The following PRTG variants were observed in gnomAD, a reference collection of about 807,000 sequenced individuals.
PRTG encodes the protein immunoglobulin superfamily, DCC subclass, member 5.
A neutral mutation model predicts 122.5 loss-of-function variants in PRTG; 67 were observed. That is an observed-to-expected ratio of 0.55 (90% confidence interval 0.45 to 0.67). The LOEUF is 0.67. Ranked by LOEUF, PRTG falls within the 30% of genes least tolerant of loss-of-function variation. PRTG has a pLI of 0.00. For synonymous variants in PRTG, 554 were observed against 501.1 expected, an observed-to-expected ratio of 1.11 and a Z score of -1.41; for missense variants, 1,435 against 1,415.4, an observed-to-expected ratio of 1.01 and a Z score of -0.22.
In PRTG at chr15:55,620,102, A is replaced by G. The variant is rs200495614; in HGVS notation, c.3363T>C (p.His1121=). ...AAAACCGCCCAGAATCCCCAGTCTC[A>G]TGGCTGCCTTCACTATTTGCTGAAT... ...TEHSANSEGS[H]ETGDSGRFSH... is the part of the protein sequence containing the mutation. The change falls in exon 20 of 20, where the codon CAT becomes CAC. Residue 1121 remains histidine, a synonymous_variant. Coordinates refer to ENST00000389286, the MANE Select transcript of PRTG (RefSeq NM_173814.6). 3.1e-6 allele frequency: 5 copies of G among 1,614,204 alleles called. No homozygotes were observed. In the Admixed American group the frequency reaches 6.7e-5, roughly 22 times the overall value.
intron 11 of PRTG, among the ~76,000 whole-genome samples, chr15:55,659,402 C>T (rs2059397315): frequency 6.6e-6 from 1 of 152,102 alleles, no homozygotes; most frequent in Non-Finnish European, 1.5e-5. Flanking sequence ...CATCAGGATC[C>T]TTTGCCTAGT....
At chr15:55,738,010 A>C (rs1398538396) in intron 2 of PRTG, among the ~76,000 whole-genome samples, 8,920 of 91,466 alleles carry the variant, frequency 0.098, 475 homozygotes, top group Admixed American at 0.14. Flanking sequence ...CTCTATATAT[A>C]TATATATATA....
chr15:55,735,718 T>TA (rs35182605), intron 2 of PRTG, among the ~76,000 whole-genome samples: 62,115 of 114,094 alleles, frequency 0.54, 18,616 homozygotes, highest in Non-Finnish European at 0.68. Flanking sequence ...CATGCTTTGC[T>TA]AAAAAAAAAA....
At chr15:55,656,716 G>C (rs2059382226) in intron 11 of PRTG, among the ~76,000 whole-genome samples, 1 of 152,170 alleles carries the variant, frequency 6.6e-6, no homozygotes, top group African/African-American at 2.4e-5. Flanking sequence ...CACCCTGTTA[G>C]CCAGGATGGT....
intron 11 of PRTG, among the ~76,000 whole-genome samples, chr15:55,653,679 G>A (rs2059365569): frequency 6.6e-6 from 1 of 152,126 alleles, no homozygotes; most frequent in Non-Finnish European, 1.5e-5. Context: ...AGCCAGGCTG[G>A]TCTCGAACTC....
intron 11 of PRTG, among the ~76,000 whole-genome samples, chr15:55,664,434 C>T (rs902332742): frequency 5.9e-5 from 9 of 152,116 alleles, no homozygotes; most frequent in South Asian, 2.1e-4. Context: ...TGAGCCACTG[C>T]GCCTGGCCAA....
At chr15:55,648,792 T>C (rs979784035) in intron 11 of PRTG, among the ~76,000 whole-genome samples, 1 of 152,106 alleles carries the variant, frequency 6.6e-6, no homozygotes, top group Non-Finnish European at 1.5e-5. Context: ...AAATATTTCA[T>C]ATAAACTTCA....
chr15:55,674,135 T>C (rs568807056), intron 9 of PRTG, among the ~76,000 whole-genome samples: 16 of 152,202 alleles, frequency 1.1e-4, no homozygotes, highest in Non-Finnish European at 1.6e-4. Flanking sequence ...AATTACAACA[T>C]ATGTTGTTTA....
Position 55,690,818 on chromosome 15 carries a change from T to C in PRTG, c.398-6887A>G, listed in dbSNP as rs530840846. On this transcript the variant is annotated intron_variant, in intron 2 of 19. Transcript: ENST00000389286. ...CCAGTGCTGCATTGAGCACATTACA[T>C]ATTCCAGCTTATTTAGTTCTCAAAA... Among the ~76,000 whole-genome samples, 34 of 152,288 alleles carry C rather than the reference T, an allele frequency of 2.2e-4. No homozygotes were observed. The South Asian group carries it at 6.8e-3, about 31-fold the overall frequency.
At chr15:55,724,229 T>C (rs1221379367) in intron 2 of PRTG, among the ~76,000 whole-genome samples, 1 of 152,232 alleles carries the variant, frequency 6.6e-6, no homozygotes, top group Non-Finnish European at 1.5e-5. Flanking sequence ...TATTTCACTA[T>C]TGATCTTTTG....
intron 2 of PRTG, among the ~76,000 whole-genome samples, chr15:55,730,002 C>T (rs1273428374): frequency 6.6e-6 from 1 of 152,210 alleles, no homozygotes; most frequent in African/African-American, 2.4e-5. Context: ...TCACCTTATA[C>T]AACAAGAAAC....
At chr15:55,682,726 C>T (rs2059547606) in intron 3 of PRTG, among the ~76,000 whole-genome samples, 1 of 151,888 alleles carries the variant, frequency 6.6e-6, no homozygotes, top group African/African-American at 2.4e-5. Flanking sequence ...CCATGCCCAG[C>T]TGATTTCTGT....
intron 2 of PRTG, among the ~76,000 whole-genome samples, chr15:55,720,627 C>T (rs1485766023): frequency 6.6e-6 from 1 of 152,086 alleles, no homozygotes; most frequent in East Asian, 1.9e-4. Flanking sequence ...GATTCTGGGC[C>T]CCCATGCTGC....
chr15:55,730,643 A>G (rs2031197247), intron 2 of PRTG, among the ~76,000 whole-genome samples: 1 of 151,998 alleles, frequency 6.6e-6, no homozygotes, highest in African/African-American at 2.4e-5. Context: ...TAGTAAAAAT[A>G]CAAAAAATCA....
chr15:55,685,378 T>G (rs917325166), intron 2 of PRTG, among the ~76,000 whole-genome samples: 3 of 152,040 alleles, frequency 2.0e-5, no homozygotes, highest in African/African-American at 7.2e-5. Flanking sequence ...GGAGTGGGGG[T>G]GAAATAATCC....
chr15:55,712,465 T>C (rs1253039270), intron 2 of PRTG, among the ~76,000 whole-genome samples: 1 of 152,224 alleles, frequency 6.6e-6, no homozygotes, highest in African/African-American at 2.4e-5. Context: ...TGGGTATTAC[T>C]ATAGCAAACT....
In PRTG at chr15:55,683,853, G is replaced by A. The variant is rs1372142654; in HGVS notation, c.476C>T (p.Ser159Leu). 2.2e-5 allele frequency: 36 copies of A among 1,613,944 alleles called. No individual in the cohort carries two copies. The highest frequency in any genetic ancestry group is 2.8e-5 in the Non-Finnish European group (33 of 1,179,848). Reference protein sequence around the residue: ...GGVARFACKISSHPPAVITWE... With the variant: ...GGVARFACKILSHPPAVITWE... ...TGTTATGACTGCAGGAGGGTGGGATGAAATCTTGCATGCAAATCGAGCAAC... is the reference window on the plus strand; with the variant it reads ...TGTTATGACTGCAGGAGGGTGGGATAAAATCTTGCATGCAAATCGAGCAAC... Residue 159 changes from serine (S) to leucine (L), a missense_variant, in exon 3 of 20, where the codon TCA becomes TTA. By Grantham distance (145) the Ser-to-Leu change is moderately radical (BLOSUM62 -2). Coordinates refer to ENST00000389286, the MANE Select transcript of PRTG (RefSeq NM_173814.6).
chr15:55,710,692 ATAAAC>A (rs1438439764), intron 2 of PRTG, among the ~76,000 whole-genome samples: 1 of 150,800 alleles, frequency 6.6e-6, no homozygotes, highest in East Asian at 1.9e-4. Context: ...AGCCTTCTCT[ATAAAC>A]TAAACAGTTA....
chr15:55,691,475 A>G (rs956642022), intron 2 of PRTG, among the ~76,000 whole-genome samples: 20 of 151,788 alleles, frequency 1.3e-4, no homozygotes, highest in East Asian at 5.8e-4. Context: ...AAGGTCAGGA[A>G]ATCAAAACCA....
Sources: allele counts gnomAD v4.1 joint callset (sites outside exome capture counted in the v4.1 genomes callset), GRCh38; gene constraint gnomAD v4.1.1; transcripts MANE v1.5; gene names NCBI Gene and HGNC (gene_info 2026-07-23, HGNC 2026-07-21).